AOC1: variants seen among roughly 807,000 people sequenced by gnomAD.
AOC1 encodes diamine oxidase [copper-containing].
AOC1 carries 58 observed loss-of-function variants against 57.1 expected under a neutral mutation model. The ratio of observed to expected loss-of-function variants is 1.02; its 90% CI spans 0.82 to 1.26. AOC1 has a LOEUF of 1.26. Ranked by LOEUF, AOC1 falls within the 50% of genes most tolerant of loss-of-function variation. The pLI is 0.00. For synonymous variants in AOC1, 401 were observed against 423.4 expected, an observed-to-expected ratio of 0.95 and a Z score of 0.65; for missense variants, 917 against 1,005.3, an observed-to-expected ratio of 0.91 and a Z score of 1.19.
intron 1 of AOC1, among the ~76,000 whole-genome samples, chr7:150,855,576 A>G (rs45486296): frequency 1.7e-3 from 266 of 152,260 alleles, no homozygotes; most frequent in African/African-American, 6.1e-3. Flanking sequence ...GTCCCCTCCT[A>G]GTAGCCTTGG....
chr7:150,856,687 G>A lies in AOC1; in HGVS notation c.217G>A (p.Glu73Lys), dbSNP rs773370272. 19 of 1,614,034 alleles carry A rather than the reference G, an allele frequency of 1.2e-5. No homozygotes were observed. The highest frequency in any genetic ancestry group is 1.6e-4 in the Middle Eastern group (1 of 6,084). Residue 73 changes from glutamate (E) to lysine (K), a missense_variant, in exon 2 of 5, where the codon GAG becomes AAG. By Grantham distance (56) the Glu-to-Lys change is moderately conservative (BLOSUM62 1). Transcript: ENST00000360937. The surrounding 1 kb of genome is among the most constrained non-coding windows in gnomAD (Gnocchi z 5.2). ...GGCCAAGAACACCGTGTTTCTCATCGAGATGCTGCTGCCCAAGAAGTACCA... is the reference window on the plus strand; with the variant it reads ...GGCCAAGAACACCGTGTTTCTCATCAAGATGCTGCTGCCCAAGAAGTACCA... ...TMAKNTVFLI[E>K]MLLPKKYHVL...
chr7:150,854,631 G>A (rs965879081), intron 1 of AOC1, among the ~76,000 whole-genome samples: 1 of 152,164 alleles, frequency 6.6e-6, no homozygotes, highest in Non-Finnish European at 1.5e-5. Flanking sequence ...GAGGAAAAAA[G>A]CCACGGGAAA....
Position 150,857,706 on chromosome 7 carries a change from T to A in AOC1, c.1236T>A (p.Tyr412Ter). The A allele has an allele frequency of 1.9e-6, 3 of 1,614,110 alleles. No homozygotes were observed. In the Admixed American group the frequency reaches 5.0e-5, roughly 27 times the overall value. ...ATGATGCCGATGACCCGGTCCATTATCCCCGAGCCCTCTGCCTCTTTGAAA... is the reference window on the plus strand; with the variant it reads ...ATGATGCCGATGACCCGGTCCATTAACCCCGAGCCCTCTGCCTCTTTGAAA... ...HYYDADDPVH[Y>*]PRALCLFEMP... is the part of the protein sequence containing the mutation. Residue 412 changes from tyrosine (Y) to a stop codon, truncating the protein, a stop_gained, in exon 2 of 5, where the codon TAT becomes TAA. Coordinates refer to ENST00000360937, the MANE Select transcript of AOC1 (RefSeq NM_001091.4). LOFTEE classifies it high-confidence loss of function. The surrounding 1 kb of genome is among the most constrained non-coding windows in gnomAD (Gnocchi z 6.6).
At position 150,857,833 on chromosome 7, in the gene AOC1, A is replaced by G; in HGVS notation, c.1363A>G (p.Thr455Ala). The G allele has an allele frequency of 6.2e-7, 1 of 1,614,130 alleles. No individual in the cohort carries two copies. The part of the protein sequence containing the change: ...LKGQVLVLRT[T>A]STVYNYDYIW... ...GGGCCAGGTGCTGGTGCTGCGGACA[A>G]CTTCAACTGTCTACAATTATGATTA... Residue 455 changes from threonine (T) to alanine (A), a missense_variant, in exon 2 of 5, where the codon ACT (threonine) becomes GCT (alanine). Transcript: ENST00000360937. The surrounding 1 kb of genome is among the most constrained non-coding windows in gnomAD (Gnocchi z 6.6).
intron 2 of AOC1, among the ~76,000 whole-genome samples, chr7:150,858,294 G>T (rs1241648990): frequency 6.6e-6 from 1 of 152,164 alleles, no homozygotes; most frequent in Non-Finnish European, 1.5e-5. Flanking sequence ...GCAAGGGAGG[G>T]GACGGTGCCT....
rs768019699 is a variant in AOC1 at position 150,852,959 on chromosome 7, G to A, written c.-17+401G>A. Among the ~76,000 whole-genome samples the A allele has an allele frequency of 2.6e-5, 4 of 152,126 alleles. No individual in the cohort carries two copies. Among genetic ancestry groups the A allele is most frequent in the Non-Finnish European group, 5.9e-5 (4 of 68,036 alleles). ...GGGTATAAGAGGTTGTAAAAAAGGA[G>A]ACCCAGCCGTGAAAGGACATGGAGG... On this transcript the variant is annotated intron_variant, in intron 1 of 4. Transcript: ENST00000360937. The surrounding 1 kb of genome is among the most constrained non-coding windows in gnomAD (Gnocchi z 4.6).
rs1430277660 is a variant in AOC1 at position 150,856,659 on chromosome 7, C to T, written c.189C>T (p.Thr63=). The T allele has an allele frequency of 4.3e-6, 7 of 1,614,172 alleles. No homozygotes were observed. The South Asian group carries it at 7.7e-5, about 18-fold the overall frequency. The part of the protein sequence containing the change: ...ELRLQPSSTT[T]MAKNTVFLIE... ...GGCTGCAGCCCTCCAGTACCACCACCATGGCCAAGAACACCGTGTTTCTCA... is the reference window on the plus strand; with the variant it reads ...GGCTGCAGCCCTCCAGTACCACCACTATGGCCAAGAACACCGTGTTTCTCA... The change falls in exon 2 of 5, where the codon ACC becomes ACT. Residue 63 remains threonine (T), a synonymous_variant. Transcript: ENST00000360937. This position sits in a 1 kb window ranked among gnomAD's most constrained non-coding sequence, Gnocchi z 5.2.
chr7:150,855,812 A>T (rs1382408349), intron 1 of AOC1, among the ~76,000 whole-genome samples: 1 of 152,126 alleles, frequency 6.6e-6, no homozygotes, highest in African/African-American at 2.4e-5. Flanking sequence ...CTTTATATTT[A>T]CTGTTTAATT....
chr7:150,860,806 C>G, intron 4 of AOC1, 137 bp from the exon 5 acceptor site: 1 of 1,364,112 alleles, frequency 7.3e-7, no homozygotes, highest in Non-Finnish European at 1.0e-6. Context: ...CACAACAGAG[C>G]TGCTCATCTC....
intron 1 of AOC1, among the ~76,000 whole-genome samples, chr7:150,855,269 C>T (rs1331067990): frequency 6.6e-6 from 1 of 152,102 alleles, no homozygotes; most frequent in Admixed American, 6.5e-5. Flanking sequence ...TCCAGGGAGG[C>T]CCACATCACC....
chr7:150,860,352 C>T (rs867084374), intron 3 of AOC1, 149 bp from the exon 4 acceptor site: 14 of 1,394,878 alleles, frequency 1.0e-5, no homozygotes, highest in Middle Eastern at 3.7e-4. Context: ...TAACAGCAGC[C>T]CGTCCTGCTG....
At chr7:150,859,743 T>A (rs1799912221) in intron 3 of AOC1, 2 of 151,032 alleles carry the variant, frequency 1.3e-5, no homozygotes, top group Non-Finnish European at 1.5e-5. Context: ...AGAAAATATA[T>A]CTACAATCCA....
intron 1 of AOC1, among the ~76,000 whole-genome samples, chr7:150,853,758 C>A (rs952577763): frequency 3.4e-5 from 5 of 148,778 alleles, no homozygotes; most frequent in African/African-American, 9.9e-5. Context: ...CCTGGTGGCT[C>A]ATGCCTGTAA....
chr7:150,858,434 A>G (rs1374888146), intron 2 of AOC1, among the ~76,000 whole-genome samples: 1 of 152,188 alleles, frequency 6.6e-6, no homozygotes, highest in East Asian at 1.9e-4. Context: ...ATGCTGCCAG[A>G]CCCAACAAGG....
At position 150,857,286 on chromosome 7, in the gene AOC1, G is replaced by C; in HGVS notation, c.816G>C (p.Gly272=). 1 of 1,605,714 alleles carries C rather than the reference G, an allele frequency of 6.2e-7. No homozygotes were observed. The highest frequency in any genetic ancestry group is 8.5e-7 in the Non-Finnish European group (1 of 1,175,636). ...AGGACCCGCTGCCTGGGGGCAAGGG[G>C]CATGACAGCACAGAGGAGCCGCCCC... ...VLEDPLPGGK[G]HDSTEEPPLF... The change falls in exon 2 of 5, where the codon GGG becomes GGC. Residue 272 remains glycine, a synonymous_variant. Coordinates refer to ENST00000360937, the MANE Select transcript of AOC1 (RefSeq NM_001091.4). The surrounding 1 kb of genome is among the most constrained non-coding windows in gnomAD (Gnocchi z 6.6).
Position 150,856,475 on chromosome 7 carries a change from C to A in AOC1, c.5C>A (p.Pro2Gln). 2 of 1,611,256 alleles carry A rather than the reference C, an allele frequency of 1.2e-6. No homozygotes were observed. Among genetic ancestry groups the A allele is most frequent in the African/African-American group, 1.3e-5 (1 of 74,922 alleles). M[P>Q]ALGWAVAAIL... ...TCCAGAGCCGTGGAGCGAGAGATGC[C>A]GGCCCTGGGCTGGGCCGTGGCTGCC... is the stretch of plus-strand genomic sequence containing the variant. Residue 2 changes from proline (P) to glutamine (Q), a missense_variant, in exon 2 of 5, where the codon CCG becomes CAG. By Grantham distance (76) the Pro-to-Gln change is moderately conservative. Transcript: ENST00000360937. This position sits in a 1 kb window ranked among gnomAD's most constrained non-coding sequence, Gnocchi z 5.2.
chr7:150,853,687 A>T (rs1044395340), intron 1 of AOC1, among the ~76,000 whole-genome samples: 2 of 24,872 alleles, frequency 8.0e-5, no homozygotes, highest in African/African-American at 4.0e-4. Flanking sequence ...ATATATATAT[A>T]TATATATATA....
At position 150,856,871 on chromosome 7, in the gene AOC1, A is replaced by C; in HGVS notation, c.401A>C (p.Tyr134Ser). Residue 134 changes from tyrosine to serine, a missense_variant, in exon 2 of 5, where the codon TAC (tyrosine) becomes TCC (serine). Tyr to Ser is a moderately radical substitution (Grantham distance 144). Coordinates refer to ENST00000360937, the MANE Select transcript of AOC1 (RefSeq NM_001091.4). This position sits in a 1 kb window ranked among gnomAD's most constrained non-coding sequence, Gnocchi z 5.2. ...YMRALSPRPGYQSSWASRPIS... is the reference protein window; with the variant it reads ...YMRALSPRPGSQSSWASRPIS... The stretch of plus-strand genomic sequence containing the variant: ...CGAGCACTGTCCCCCAGGCCTGGGT[A>C]CCAGTCCTCCTGGGCATCGAGGCCC... 6.2e-7 allele frequency: 1 copy of C among 1,614,016 alleles called. No individual in the cohort carries two copies. The highest frequency in any genetic ancestry group is 8.5e-7 in the Non-Finnish European group (1 of 1,179,946).
In AOC1 at chr7:150,857,254, G is replaced by A. The variant is rs898854571; in HGVS notation, c.784G>A (p.Val262Ile). ...TGCAGATGGAGAGGTGGACGTGGTG[G>A]TCCTGGAGGACCCGCTGCCTGGGGG... ...KYADGEVDVV[V>I]LEDPLPGGKG... Residue 262 changes from valine to isoleucine, a missense_variant, in exon 2 of 5, where the codon GTC (valine) becomes ATC (isoleucine). Coordinates refer to ENST00000360937, the MANE Select transcript of AOC1 (RefSeq NM_001091.4). This position sits in a 1 kb window ranked among gnomAD's most constrained non-coding sequence, Gnocchi z 6.6. 26 of 1,610,852 alleles carry A rather than the reference G, an allele frequency of 1.6e-5. No individual in the cohort carries two copies. Among genetic ancestry groups the A allele is most frequent in the Non-Finnish European group, 2.1e-5 (25 of 1,178,368 alleles).
Sources: gnomAD v4.1 joint callset for allele counts (sites outside exome capture counted in the v4.1 genomes callset) on GRCh38, gnomAD v4.1.1 for gene constraint, Gnocchi (gnomAD v3.1) non-coding constraint, MANE v1.5 for transcripts, NCBI Gene and HGNC (gene_info 2026-07-23, HGNC 2026-07-21) for gene names.